KAZN: variants seen among roughly 807,000 people sequenced by gnomAD.
KAZN encodes the protein kazrin, periplakin interacting protein.
KAZN carries 40 observed loss-of-function variants against 87.4 expected under a neutral mutation model. The ratio of observed to expected loss-of-function variants is 0.46; its 90% CI spans 0.36 to 0.60. KAZN has a LOEUF of 0.60. Among genes scored for constraint, KAZN ranks in the 20% least tolerant of loss-of-function variants. KAZN has a pLI of 0.00. For synonymous variants in KAZN, 466 were observed against 458.3 expected (o/e 1.02, Z -0.22); for missense variants, 898 against 1,073.9 (o/e 0.84, Z 2.29).
chr1:14,604,262 G>A (rs749532570), intron 1 of KAZN, among the ~76,000 whole-genome samples: 2 of 152,176 alleles, frequency 1.3e-5, no homozygotes, highest in Non-Finnish European at 2.9e-5. Context: ...AGTGGGTTCA[G>A]AAAGAATGAT....
chr1:13,974,886 CAGACCTTCA>C, intron 1 of KAZN, among the ~76,000 whole-genome samples: 1 of 152,110 alleles, frequency 6.6e-6, no homozygotes, highest in Non-Finnish European at 1.5e-5. Flanking sequence ...AGGTCTCACA[CAGACCTTCA>C]AGACTGCTTT....
At chr1:15,046,046 G>C (rs561950181) in intron 4 of KAZN, among the ~76,000 whole-genome samples, 5 of 152,072 alleles carry the variant, frequency 3.3e-5, no homozygotes, top group Admixed American at 6.5e-5. Flanking sequence ...GCCTGTAATC[G>C]CAGCACTTTG....
chr1:14,399,224 G>T (rs575996134), intron 2 of KAZN, among the ~76,000 whole-genome samples: 1 of 151,608 alleles, frequency 6.6e-6, no homozygotes, highest in Non-Finnish European at 1.5e-5. Context: ...ACTATGTTGC[G>T]CAGGCTGGTC....
At chr1:14,565,423 C>T (rs575578722) in intron 2 of KAZN, among the ~76,000 whole-genome samples, 16 of 152,300 alleles carry the variant, frequency 1.1e-4, no homozygotes, top group Non-Finnish European at 1.9e-4. Flanking sequence ...CTAATGATCA[C>T]CTGAGCCTTT....
chr1:15,045,286 G>A (rs12757909), intron 4 of KAZN, among the ~76,000 whole-genome samples: 11,963 of 152,190 alleles, frequency 0.079, 622 homozygotes, highest in African/African-American at 0.14. Flanking sequence ...GCCAGCTAAC[G>A]GTGTGGTTAC....
At chr1:14,654,187 G>A (rs1038601256) in intron 1 of KAZN, among the ~76,000 whole-genome samples, 2 of 151,642 alleles carry the variant, frequency 1.3e-5, no homozygotes, top group South Asian at 4.2e-4. Flanking sequence ...CTCAGGAGGC[G>A]GAGGCAGAAA....
intron 1 of KAZN, among the ~76,000 whole-genome samples, chr1:14,726,245 C>T (rs1285349059): frequency 6.6e-6 from 1 of 152,216 alleles, no homozygotes; most frequent in Non-Finnish European, 1.5e-5. Flanking sequence ...CCCAGGTGGG[C>T]ACAGACAGCT....
intron 1 of KAZN, among the ~76,000 whole-genome samples, chr1:14,909,526 T>C (rs1657002151): frequency 6.6e-6 from 1 of 152,196 alleles, no homozygotes; most frequent in African/African-American, 2.4e-5. Context: ...GGCCGTTTCC[T>C]CTGCCCACAG....
chr1:14,402,148 A>G (rs1048412707), intron 2 of KAZN, among the ~76,000 whole-genome samples: 5 of 151,918 alleles, frequency 3.3e-5, no homozygotes, highest in African/African-American at 9.7e-5. Context: ...AAAAAGTCCA[A>G]TGACTTTTAG....
chr1:14,679,590 T>C (rs4306123), intron 1 of KAZN, among the ~76,000 whole-genome samples: 69,964 of 151,872 alleles, frequency 0.46, 16,364 homozygotes, highest in South Asian at 0.58. Flanking sequence ...GGCACCAAGA[T>C]GTCCAAGCAT....
intron 2 of KAZN, among the ~76,000 whole-genome samples, chr1:14,569,563 C>T (rs1215805824): frequency 1.3e-5 from 2 of 151,678 alleles, no homozygotes; most frequent in African/African-American, 2.4e-5. Flanking sequence ...ACCTCAAGAT[C>T]TGCCCGCCTC....
Position 14,349,468 on chromosome 1 carries a change from C to T in KAZN, c.249+168876C>T, listed in dbSNP as rs1658357492. The T allele has an allele frequency of 1.3e-5, 2 of 152,176 alleles. 1 individual carries two copies. Among genetic ancestry groups the T allele is most frequent in the South Asian group, 4.1e-4 (2 of 4,822 alleles). The allele number at this position is 152,176 out of a possible 1,614,324, so 9.4% of individuals were successfully genotyped here. A position where few individuals can be genotyped will look rare whatever the true frequency, so the allele number is the denominator to read the frequency against. On this transcript the variant is annotated intron_variant, in intron 2 of 16. Transcript: ENST00000636203. ...AAAATAAAATATCCAGCAAGACTAGCACAGGGCAAGATGGAGAAGCAGCTG... is the reference window on the plus strand; with the variant it reads ...AAAATAAAATATCCAGCAAGACTAGTACAGGGCAAGATGGAGAAGCAGCTG...
intron 8 of KAZN, among the ~76,000 whole-genome samples, chr1:15,087,819 C>T (rs1197483853): frequency 6.6e-6 from 1 of 152,252 alleles, no homozygotes; most frequent in African/African-American, 2.4e-5. Flanking sequence ...GGCCTCCACT[C>T]CGTCACTGAG....
At chr1:14,964,374 T>C (rs1431287661) in intron 2 of KAZN, among the ~76,000 whole-genome samples, 2 of 152,136 alleles carry the variant, frequency 1.3e-5, no homozygotes, top group Non-Finnish European at 2.9e-5. Context: ...TGAGATCTGC[T>C]TGGAGATGTT....
At chr1:15,040,393 C>CCA (rs1016262775) in intron 3 of KAZN, among the ~76,000 whole-genome samples, 2 of 152,198 alleles carry the variant, frequency 1.3e-5, no homozygotes, top group African/African-American at 4.8e-5. Context: ...AGGAAGGACC[C>CCA]CAGGCCCTGA....
chr1:13,955,678 C>G (rs1388533345), intron 1 of KAZN, among the ~76,000 whole-genome samples: 2 of 152,144 alleles, frequency 1.3e-5, no homozygotes, highest in African/African-American at 4.8e-5. Flanking sequence ...AGCCAGCTTG[C>G]TTTTCTTAAA....
At chr1:14,992,864 G>A (rs1667485528) in intron 2 of KAZN, among the ~76,000 whole-genome samples, 1 of 151,608 alleles carries the variant, frequency 6.6e-6, no homozygotes, top group Non-Finnish European at 1.5e-5. Flanking sequence ...GACTGGTCTC[G>A]AACTCCTGGA....
intron 2 of KAZN, among the ~76,000 whole-genome samples, chr1:14,522,864 C>A (rs1361642242): frequency 6.6e-6 from 1 of 152,168 alleles, no homozygotes; most frequent in South Asian, 2.1e-4. Flanking sequence ...TAATTTCAAT[C>A]GTGACTACTC....
At chr1:13,942,150 C>CT (rs1255365823) in intron 1 of KAZN, among the ~76,000 whole-genome samples, 1 of 152,138 alleles carries the variant, frequency 6.6e-6, no homozygotes, top group African/African-American at 2.4e-5. Context: ...TCAGAAAAGA[C>CT]TAAAGCCCAG....
Sources: gnomAD v4.1 joint callset for allele counts (sites outside exome capture counted in the v4.1 genomes callset) on GRCh38, gnomAD v4.1.1 for gene constraint, MANE v1.5 for transcripts, NCBI Gene and HGNC (gene_info 2026-07-23, HGNC 2026-07-21) for gene names.